LUZP2: variants seen among roughly 807,000 people sequenced by gnomAD.
LUZP2 encodes leucine zipper protein 2.
A neutral mutation model predicts 51.6 loss-of-function variants in LUZP2; 52 were observed. That is an observed-to-expected ratio of 1.01 (90% CI 0.81 to 1.27). The LOEUF (loss-of-function observed/expected upper bound fraction) is 1.27. LUZP2 is among the 50% of genes most tolerant of loss of function. The pLI is 0.00. For missense variants in LUZP2, 436 were observed against 395.4 expected (o/e 1.10, Z -0.87); for synonymous variants, 154 against 137.3 (o/e 1.12, Z -0.85).
At chr11:24,822,250 A>G (rs1007642552) in intron 5 of LUZP2, among the ~76,000 whole-genome samples, 13 of 152,130 alleles carry the variant, frequency 8.5e-5, no homozygotes, top group African/African-American at 3.1e-4. Context: ...ATCTGCTAAT[A>G]TTTATCACTG....
At chr11:24,519,480 A>G (rs77556924) in intron 1 of LUZP2, among the ~76,000 whole-genome samples, 1,544 of 152,314 alleles carry the variant, frequency 0.01, 27 homozygotes, top group African/African-American at 0.035. Flanking sequence ...CAATTAAACA[A>G]TTGAAGAAAA....
intron 1 of LUZP2, among the ~76,000 whole-genome samples, chr11:24,631,720 G>A (rs1854897398): frequency 6.6e-6 from 1 of 151,836 alleles, no homozygotes; most frequent in Non-Finnish European, 1.5e-5. Flanking sequence ...GAATAAGCTA[G>A]AGATAATTTT....
intron 4 of LUZP2, among the ~76,000 whole-genome samples, chr11:24,761,393 C>T (rs534015520): frequency 9.9e-5 from 15 of 152,252 alleles, no homozygotes; most frequent in African/African-American, 3.6e-4. Flanking sequence ...CCCTATGATC[C>T]AATCACCTGC....
At chr11:24,535,545 C>T (rs1343672179) in intron 1 of LUZP2, among the ~76,000 whole-genome samples, 10 of 151,518 alleles carry the variant, frequency 6.6e-5, no homozygotes. Flanking sequence ...TTGCTTTGCT[C>T]ATATATCAGA....
chr11:24,828,619 A>T lies in LUZP2; in HGVS notation c.396+65311A>T, dbSNP rs185573168. Among the ~76,000 whole-genome samples the T allele has an allele frequency of 2.2e-3, 325 of 150,582 alleles. 2 individuals carry two copies. Among genetic ancestry groups the T allele is most frequent in the African/African-American group, 7.4e-3 (306 of 41,106 alleles). ...CCATATTGTTCAGTGGATTTTTTTTAAAATCAACTTCTGAATGATGTGTCA... is the reference window on the plus strand; with the variant it reads ...CCATATTGTTCAGTGGATTTTTTTTTAAATCAACTTCTGAATGATGTGTCA... On this transcript the variant is annotated intron_variant, in intron 5 of 11. Coordinates refer to ENST00000336930, the MANE Select transcript of LUZP2 (RefSeq NM_001009909.4).
intron 1 of LUZP2, among the ~76,000 whole-genome samples, chr11:24,668,289 T>C (rs1480943799): frequency 6.6e-6 from 1 of 151,938 alleles, no homozygotes. Flanking sequence ...AATTTACGAG[T>C]TTCATCGAAG....
At chr11:25,042,214 A>T (rs1421880694) in intron 9 of LUZP2, among the ~76,000 whole-genome samples, 2 of 117,666 alleles carry the variant, frequency 1.7e-5, no homozygotes, top group Admixed American at 8.4e-5. Context: ...TGTAATATGC[A>T]TGCTATTTTT....
intron 5 of LUZP2, among the ~76,000 whole-genome samples, chr11:24,837,745 A>C (rs1283376356): frequency 2.6e-5 from 4 of 151,654 alleles, no homozygotes; most frequent in Non-Finnish European, 5.9e-5. Flanking sequence ...GGGTTGCTTT[A>C]AGGCTAAAAG....
chr11:24,678,466 A>G (rs10834425), intron 1 of LUZP2, among the ~76,000 whole-genome samples: 70,050 of 151,862 alleles, frequency 0.46, 16,776 homozygotes, highest in East Asian at 0.58. Flanking sequence ...GCTTGTTATA[A>G]GTGTCCTAAA....
chr11:24,828,610 A>ATT (rs200156560), intron 5 of LUZP2, among the ~76,000 whole-genome samples: 2 of 150,634 alleles, frequency 1.3e-5, no homozygotes, highest in Non-Finnish European at 2.9e-5. Flanking sequence ...TGTTCAGTGG[A>ATT]TTTTTTTTAA....
chr11:24,615,484 C>A (rs1854256509), intron 1 of LUZP2, among the ~76,000 whole-genome samples: 1 of 152,022 alleles, frequency 6.6e-6, no homozygotes, highest in Admixed American at 6.6e-5. Context: ...TTGCTTGAAT[C>A]ATAGCTTTTT....
chr11:24,711,864 A>G (rs1857839797), intron 1 of LUZP2, among the ~76,000 whole-genome samples: 1 of 152,094 alleles, frequency 6.6e-6, no homozygotes, highest in Non-Finnish European at 1.5e-5. Context: ...ACACAAACAC[A>G]TATGTATATA....
intron 5 of LUZP2, among the ~76,000 whole-genome samples, chr11:24,877,472 A>G (rs1465559491): frequency 2.0e-5 from 3 of 152,136 alleles, no homozygotes; most frequent in Non-Finnish European, 4.4e-5. Flanking sequence ...ATGGGTACAT[A>G]GTAAGTATAT....
intron 5 of LUZP2, among the ~76,000 whole-genome samples, chr11:24,852,711 C>T (rs1156330523): frequency 6.6e-6 from 1 of 151,724 alleles, no homozygotes; most frequent in East Asian, 1.9e-4. Context: ...GAGTCTAAGT[C>T]TTTTTGTAGG....
intron 1 of LUZP2, among the ~76,000 whole-genome samples, chr11:24,695,427 C>T (rs1857215777): frequency 6.6e-6 from 1 of 151,910 alleles, no homozygotes; most frequent in African/African-American, 2.4e-5. Context: ...TGGTACTCAG[C>T]ATATCATTTA....
At chr11:25,041,107 T>A (rs1858041187) in intron 9 of LUZP2, among the ~76,000 whole-genome samples, 2 of 152,144 alleles carry the variant, frequency 1.3e-5, no homozygotes, top group African/African-American at 4.8e-5. Flanking sequence ...TTTTGTTCAT[T>A]TTTTTCATGG....
chr11:25,013,881 T>C (rs1392890192), intron 9 of LUZP2, among the ~76,000 whole-genome samples: 1 of 152,148 alleles, frequency 6.6e-6, no homozygotes, highest in African/African-American at 2.4e-5. Context: ...GTATATCTCC[T>C]AATGCTATCC....
intron 5 of LUZP2, among the ~76,000 whole-genome samples, chr11:24,867,901 T>C (rs566384392): frequency 6.6e-6 from 1 of 152,206 alleles, no homozygotes; most frequent in Non-Finnish European, 1.5e-5. Context: ...TCAGTACTGA[T>C]GTAAACATTT....
chr11:24,974,703 T>A (rs1855836527), intron 7 of LUZP2, among the ~76,000 whole-genome samples: 1 of 152,052 alleles, frequency 6.6e-6, no homozygotes, highest in Non-Finnish European at 1.5e-5. Flanking sequence ...TGTGATTAAA[T>A]AAATTTTACC....
Sources: gnomAD v4.1 joint callset for allele counts (sites outside exome capture counted in the v4.1 genomes callset) on GRCh38, gnomAD v4.1.1 for gene constraint, MANE v1.5 for transcripts, NCBI Gene and HGNC (gene_info 2026-07-23, HGNC 2026-07-21) for gene names.